The following HECW1 variants were observed in gnomAD, a reference collection of about 807,000 sequenced individuals.
HECW1 encodes HECT, C2 and WW domain containing E3 ubiquitin protein ligase 1.
HECW1 carries 61 observed loss-of-function variants against 182.3 expected under a neutral mutation model. The ratio of observed to expected loss-of-function variants is 0.33; its 90% CI spans 0.27 to 0.41. HECW1 has a LOEUF of 0.41. HECW1 is among the 10% of genes least tolerant of loss of function. The probability of loss-of-function intolerance (pLI) is 1.00; values close to 1 mark genes in which losing one functional copy is unlikely to be tolerated. For missense variants in HECW1, 1,739 were observed against 2,108.9 expected (o/e 0.82, Z 3.44); for synonymous variants, 859 against 832.6 (o/e 1.03, Z -0.55).
At chr7:43,501,430 C>G in intron 21 of HECW1, 108 bp downstream of exon 21, 1 of 611,142 alleles carries the variant, frequency 1.6e-6, no homozygotes, top group Non-Finnish European at 2.9e-6. Flanking sequence ...CTCGGCCTTC[C>G]CAATTCCCTA....
intron 3 of HECW1, among the ~76,000 whole-genome samples, chr7:43,298,138 T>G (rs191732826): frequency 7.2e-5 from 11 of 152,304 alleles, no homozygotes; most frequent in Admixed American, 5.9e-4. Context: ...CCTGGTACCT[T>G]TATATTCTAG....
intron 27 of HECW1, 30 bp from the exon 28 acceptor site, chr7:43,552,192 C>A: frequency 7.3e-7 from 1 of 1,370,166 alleles, no homozygotes; most frequent in Non-Finnish European, 1.0e-6. Flanking sequence ...GTGTTTGGAC[C>A]TGGATGCTGA....
chr7:43,455,410 T>A (rs2077368253), intron 12 of HECW1, among the ~76,000 whole-genome samples: 1 of 152,120 alleles, frequency 6.6e-6, no homozygotes, highest in South Asian at 2.1e-4. Context: ...AAGACAGAGG[T>A]CATCTAAATT....
intron 2 of HECW1, among the ~76,000 whole-genome samples, chr7:43,150,460 C>G (rs796451990): frequency 3.9e-5 from 6 of 152,244 alleles, no homozygotes; most frequent in African/African-American, 1.2e-4. Flanking sequence ...CTCGGTGCAA[C>G]CTCTGCTTCC....
rs375279794 is a variant in HECW1, at chr7:43,444,598, G to A, written c.1426G>A (p.Gly476Ser). The A allele has an allele frequency of 6.2e-7, 1 of 1,610,766 alleles. No individual in the cohort carries two copies. Among genetic ancestry groups the A allele is most frequent in the African/African-American group, 1.3e-5 (1 of 74,998 alleles). The change falls in exon 11 of 30, where the codon GGT becomes AGT. Residue 476 changes from glycine to serine, a missense_variant. Physicochemically the swap from Gly to Ser is moderately conservative, Grantham distance 56. This residue lies in a region of HECW1 where 971 missense variants were observed against 1,029.1 expected (regional missense o/e 0.94). Coordinates refer to ENST00000395891, the MANE Select transcript of HECW1 (RefSeq NM_015052.5). This position sits in a 1 kb window ranked among gnomAD's most constrained non-coding sequence, Gnocchi z 4.3. The part of the protein sequence containing the change: ...EEASALLLED[G>S]EAPASTKEEP... ...GGCATCAGCACTGCTGCTGGAAGAC[G>A]GTGAAGCCCCAGCCAGCACCAAGGA...
intron 2 of HECW1, among the ~76,000 whole-genome samples, chr7:43,201,493 A>G (rs574584847): frequency 2.0e-5 from 3 of 152,308 alleles, no homozygotes; most frequent in Admixed American, 6.5e-5. Context: ...TTTTCTGTAA[A>G]CCTATAATAT....
At chr7:43,317,173 G>T (rs572170701) in intron 4 of HECW1, among the ~76,000 whole-genome samples, 1 of 152,292 alleles carries the variant, frequency 6.6e-6, no homozygotes, top group African/African-American at 2.4e-5. Flanking sequence ...CTTGAGAAAT[G>T]GAGCTTTTCT....
intron 14 of HECW1, among the ~76,000 whole-genome samples, chr7:43,464,964 G>T (rs1396069572): frequency 6.6e-6 from 1 of 151,938 alleles, no homozygotes; most frequent in East Asian, 1.9e-4. Context: ...ACCATGCCTG[G>T]CTAATTTTTT....
chr7:43,537,461 T>A (rs1301611724), intron 24 of HECW1, among the ~76,000 whole-genome samples: 1 of 152,368 alleles, frequency 6.6e-6, no homozygotes, highest in Non-Finnish European at 1.5e-5. Flanking sequence ...TAACAGCTAA[T>A]GTAATCAACT....
At chr7:43,423,033 T>C (rs975742420) in intron 8 of HECW1, among the ~76,000 whole-genome samples, 13 of 152,346 alleles carry the variant, frequency 8.5e-5, no homozygotes, top group African/African-American at 3.1e-4. Flanking sequence ...AGATAGATCA[T>C]TCACTTCAGT....
chr7:43,376,453 T>C (rs2074328451), intron 6 of HECW1, among the ~76,000 whole-genome samples: 1 of 152,170 alleles, frequency 6.6e-6, no homozygotes, highest in Non-Finnish European at 1.5e-5. Flanking sequence ...CACCATGCCC[T>C]TTACTCAGTA....
At chr7:43,333,637 C>T (rs1317977672) in intron 5 of HECW1, among the ~76,000 whole-genome samples, 1 of 152,124 alleles carries the variant, frequency 6.6e-6, no homozygotes, top group Non-Finnish European at 1.5e-5. Flanking sequence ...TAAGCTGGTG[C>T]TCAGTATTCC....
chr7:43,432,481 C>G lies in HECW1; in HGVS notation c.802-5522C>G, dbSNP rs2076585073. On this transcript the variant is annotated intron_variant, in intron 8 of 29. Coordinates refer to ENST00000395891, the MANE Select transcript of HECW1 (RefSeq NM_015052.5). This position sits in a 1 kb window ranked among gnomAD's most constrained non-coding sequence, Gnocchi z 4.1. ...AGACTCAGTTAAAGCATTATGTTCT[C>G]TAGGAAATCGTCTCTACCTGTCCAT... Among the ~76,000 whole-genome samples the G allele has an allele frequency of 1.3e-5, 2 of 152,178 alleles. No homozygotes were observed. The highest frequency in any genetic ancestry group is 4.1e-4 in the South Asian group (2 of 4,830).
At chr7:43,364,465 A>G (rs1816364653) in intron 6 of HECW1, among the ~76,000 whole-genome samples, 1 of 152,252 alleles carries the variant, frequency 6.6e-6, no homozygotes, top group South Asian at 2.1e-4. Flanking sequence ...AAATTATAAT[A>G]CTATATAAAG....
chr7:43,188,763 G>A (rs1793636200), intron 2 of HECW1, among the ~76,000 whole-genome samples: 1 of 152,164 alleles, frequency 6.6e-6, no homozygotes. Flanking sequence ...GCCATATCTG[G>A]CCAGAAAGAG....
intron 8 of HECW1, among the ~76,000 whole-genome samples, chr7:43,433,893 T>TG (rs1415209698): frequency 6.6e-6 from 1 of 152,170 alleles, no homozygotes; most frequent in African/African-American, 2.4e-5. Flanking sequence ...AGGACAAAGA[T>TG]GGAAAATAGC....
intron 3 of HECW1, among the ~76,000 whole-genome samples, chr7:43,273,745 A>G (rs1368674793): frequency 1.3e-5 from 2 of 152,240 alleles, no homozygotes; most frequent in African/African-American, 4.8e-5. Context: ...AGTTAAAAAA[A>G]TAAGCAAAAT....
chr7:43,545,506 G>A (rs562281510), intron 26 of HECW1, among the ~76,000 whole-genome samples: 1 of 152,308 alleles, frequency 6.6e-6, no homozygotes, highest in East Asian at 1.9e-4. Flanking sequence ...AGGGCGCTGA[G>A]TCCTGTACAG....
chr7:43,156,380 G>A (rs1562607381), intron 2 of HECW1, among the ~76,000 whole-genome samples: 1 of 152,060 alleles, frequency 6.6e-6, no homozygotes, highest in Non-Finnish European at 1.5e-5. Context: ...TTTTCTTAAT[G>A]GTCATTATTA....
Sources: gnomAD v4.1 joint callset for allele counts (sites outside exome capture counted in the v4.1 genomes callset) on GRCh38, gnomAD v4.1.1 for gene constraint, gnomAD v4.1.1 regional missense constraint, Gnocchi (gnomAD v3.1) non-coding constraint, MANE v1.5 for transcripts, NCBI Gene and HGNC (gene_info 2026-07-23, HGNC 2026-07-21) for gene names.